Variants in BRF1 observed in about 807,000 individuals in gnomAD.
BRF1 encodes the protein BRF1 general transcription factor IIIB subunit.
In BRF1, 59 loss-of-function variants were observed where a neutral mutation model predicts 81.7. The ratio of observed to expected loss-of-function variants is 0.72; its 90% CI spans 0.59 to 0.90. The LOEUF (loss-of-function observed/expected upper bound fraction) is 0.90. Among genes scored for constraint, BRF1 ranks in the 40% least tolerant of loss-of-function variants. The pLI is 0.00. For missense variants in BRF1, 1,050 were observed against 936.3 expected (o/e 1.12, Z -1.58); for synonymous variants, 491 against 395.6 (o/e 1.24, Z -2.86).
intron 7 of BRF1, among the ~76,000 whole-genome samples, chr14:105,228,573 G>A (rs1026288690): frequency 6.6e-6 from 1 of 151,970 alleles, no homozygotes; most frequent in Non-Finnish European, 1.5e-5. Flanking sequence ...AGGGATCGGA[G>A]GAGGAGGATG....
chr14:105,211,387 C>T, intron 16 of BRF1, 94 bp from the exon 17 acceptor site: 1 of 1,210,288 alleles, frequency 8.3e-7, no homozygotes. Flanking sequence ...CCAGGATGCT[C>T]AGCCACTCCC....
rs79771945 is a variant in BRF1, at chr14:105,220,039, C to T, written c.1377+30G>A. The T allele has an allele frequency of 7.0e-4, 1,129 of 1,609,260 alleles. 15 individuals carry two copies. The East Asian group carries it at 0.022, about 31-fold the overall frequency. On this transcript the variant is annotated intron_variant, in intron 12 of 17. Transcript: ENST00000547530. ...GGCTGCAGCGCCCTCCCAAGCCCAG[C>T]CCCTCTTGGGAAGGGGTGCTGCCAC...
intron 2 of BRF1, among the ~76,000 whole-genome samples, chr14:105,274,328 G>A (rs911972164): frequency 3.3e-5 from 5 of 152,134 alleles, no homozygotes; most frequent in African/African-American, 7.2e-5. Context: ...GACCGGTGCC[G>A]GTGCAGGTCC....
At chr14:105,211,068 T>C (rs587650628) in intron 17 of BRF1, 54 bp downstream of exon 17, 68 of 1,597,414 alleles carry the variant, frequency 4.3e-5, no homozygotes, top group African/African-American at 1.2e-4. Flanking sequence ...TGAGGGGCAG[T>C]AGCTGATGCC....
At chr14:105,217,903 C>T in intron 14 of BRF1, 103 bp from the exon 15 acceptor site, 1 of 1,520,630 alleles carries the variant, frequency 6.6e-7, no homozygotes, top group South Asian at 1.2e-5. Flanking sequence ...TGAGGCCTGG[C>T]TCAGGCCCTC....
Position 105,292,167 on chromosome 14 carries a change from ATTTTTTGTTTTCTTTGTTTGT to A in BRF1, c.185-5812_185-5792del, listed in dbSNP as rs2057543161. On this transcript the variant is annotated intron_variant, in intron 1 of 17. Coordinates refer to ENST00000547530, the MANE Select transcript of BRF1 (RefSeq NM_001519.4). ...CACCACGCCTAGCTAATGTTTTCTT[ATTTTTTGTTTTCTTTGTTTGT>A]TTTTTTGAAGACAAGACAGAGTTTC... 2.0e-5 allele frequency among the ~76,000 whole-genome samples: 3 copies of A among 151,498 alleles called. No individual in the cohort carries two copies. The South Asian group carries it at 6.3e-4, about 32-fold the overall frequency.
intron 5 of BRF1, chr14:105,249,139 G>A (rs1362717650): frequency 3.9e-6 from 6 of 1,556,156 alleles, no homozygotes; most frequent in South Asian, 1.2e-5. Flanking sequence ...CCCCCAGCCC[G>A]TGCCTCTACC....
At position 105,241,234 on chromosome 14, in the gene BRF1, G is replaced by C. The variant is rs587676550; in HGVS notation, c.694+31C>G. ...AAGTGTGAGGCCAGGACCCAGACCA[G>C]CATCCCCCAGGCAGGCAGGGCCCGC... On this transcript the variant is annotated intron_variant, in intron 6 of 17. Coordinates refer to ENST00000547530, the MANE Select transcript of BRF1 (RefSeq NM_001519.4). 2.2e-5 allele frequency: 36 copies of C among 1,605,276 alleles called. No homozygotes were observed. The South Asian group carries it at 3.5e-4, about 16-fold the overall frequency.
intron 1 of BRF1, among the ~76,000 whole-genome samples, chr14:105,307,028 A>G (rs1372519203): frequency 6.6e-6 from 1 of 150,984 alleles, no homozygotes; most frequent in Admixed American, 6.6e-5. Flanking sequence ...AGTATGCCTT[A>G]TTTACTTTAT....
In BRF1 at chr14:105,300,733, T is replaced by C; in HGVS notation, c.-104A>G. ...CCGCCCAGGCCCAGCCGCCCAGGCC[T>C]CGCCGCTCTCGCGAGGCCCCGCTCC... On this transcript the variant is annotated 5_prime_UTR_variant, in exon 1 of 18. Transcript: ENST00000547530. 2.2e-6 allele frequency: 2 copies of C among 913,554 alleles called. No homozygotes were observed. The highest frequency in any genetic ancestry group is 2.8e-6 in the Non-Finnish European group (2 of 709,178). 56.6% of individuals were successfully genotyped at this position (913,554 alleles called of 1,614,324 possible). A position where few individuals can be genotyped will look rare whatever the true frequency, so the allele number is the denominator to read the frequency against.
At chr14:105,263,010 G>A (rs1405446456) in intron 3 of BRF1, among the ~76,000 whole-genome samples, 3 of 151,866 alleles carry the variant, frequency 2.0e-5, no homozygotes, top group African/African-American at 7.3e-5. Flanking sequence ...GGAGGCCGAG[G>A]CGGGCAGATG....
chr14:105,266,221 A>G (rs771632800), intron 3 of BRF1, among the ~76,000 whole-genome samples: 30 of 152,242 alleles, frequency 2.0e-4, no homozygotes, highest in Middle Eastern at 6.8e-3. Flanking sequence ...CAAGATGAGA[A>G]GATAACTGGA....
intron 2 of BRF1, among the ~76,000 whole-genome samples, chr14:105,283,376 C>T (rs1345979645): frequency 6.6e-6 from 1 of 152,144 alleles, no homozygotes; most frequent in Non-Finnish European, 1.5e-5. Context: ...GCTGCAGCTG[C>T]AGAACCTCAG....
chr14:105,256,710 G>A lies in BRF1; in HGVS notation c.440-161C>T, dbSNP rs587690201. Reference sequence around the variant, plus strand: ...CAGGAAGGAAAGGTGGTATGGAAGCGAGGCGCGGCACGCTCAGGCCTCACC... The same window carrying A: ...CAGGAAGGAAAGGTGGTATGGAAGCAAGGCGCGGCACGCTCAGGCCTCACC... On this transcript the variant is annotated intron_variant, in intron 3 of 17. Coordinates refer to ENST00000547530, the MANE Select transcript of BRF1 (RefSeq NM_001519.4). Among the ~76,000 whole-genome samples the A allele has an allele frequency of 4.5e-4, 69 of 152,318 alleles. No homozygotes were observed. The East Asian group carries it at 7.3e-3, about 16-fold the overall frequency.
chr14:105,229,476 A>G (rs1319854184), intron 6 of BRF1, among the ~76,000 whole-genome samples: 2 of 152,184 alleles, frequency 1.3e-5, no homozygotes, highest in Non-Finnish European at 2.9e-5. Context: ...GGCCCGGATG[A>G]GGAGTGAGGG....
chr14:105,211,970 C>T (rs1316808682), intron 16 of BRF1, 143 bp downstream of exon 16: 2 of 1,267,064 alleles, frequency 1.6e-6, no homozygotes, highest in Non-Finnish European at 2.2e-6. Flanking sequence ...ATTCTCTGGC[C>T]ATGCCAGGCA....
chr14:105,229,633 C>G (rs1424549632), intron 6 of BRF1, among the ~76,000 whole-genome samples: 1 of 151,078 alleles, frequency 6.6e-6, no homozygotes, highest in Non-Finnish European at 1.5e-5. Flanking sequence ...AACAGTCGCC[C>G]AGCTGGGGGC....
chr14:105,217,274 C>T (rs1891481059), intron 15 of BRF1: 2 of 580,638 alleles, frequency 3.4e-6, no homozygotes, highest in Admixed American at 3.1e-5. Context: ...TTGTCCCAGC[C>T]CCTCCTTGGG....
At position 105,269,227 on chromosome 14, in the gene BRF1, G is replaced by A. The variant is rs140912331; in HGVS notation, c.439+3494C>T. Among the ~76,000 whole-genome samples, 1,313 of 152,170 alleles carry A rather than the reference G, an allele frequency of 8.6e-3. 17 individuals carry two copies. The highest frequency in any genetic ancestry group is 0.029 in the African/African-American group (1,224 of 41,508). On this transcript the variant is annotated intron_variant, in intron 3 of 17. Coordinates refer to ENST00000547530, the MANE Select transcript of BRF1 (RefSeq NM_001519.4). The surrounding 1 kb of genome is among the most constrained non-coding windows in gnomAD (Gnocchi z 5.0). ...CTGACCCACTTCCCTCTAAAGTGCC[G>A]GCAAAGCAGGGGTGGGCTGGGAAGT...
Sources: allele counts gnomAD v4.1 joint callset (sites outside exome capture counted in the v4.1 genomes callset), GRCh38; gene constraint gnomAD v4.1.1; non-coding constraint Gnocchi (gnomAD v3.1); transcripts MANE v1.5; gene names NCBI Gene and HGNC (gene_info 2026-07-23, HGNC 2026-07-21).